Variants in ANO6 observed in about 807,000 individuals in gnomAD.
ANO6 encodes the protein anoctamin-6.
ANO6 carries 106 observed loss-of-function variants against 117.5 expected under a neutral mutation model. The observed-to-expected ratio is 0.90, with a 90% confidence interval of 0.77 to 1.06. ANO6 has a LOEUF of 1.06. ANO6 is among the 50% of genes least tolerant of loss of function. The pLI is 0.00. For missense variants in ANO6, 955 were observed against 1,121.1 expected, an observed-to-expected ratio of 0.85 and a Z score of 2.12; for synonymous variants, 367 against 385.1, an observed-to-expected ratio of 0.95 and a Z score of 0.55.
intron 16 of ANO6, among the ~76,000 whole-genome samples, chr12:45,414,244 G>T (rs1361347235): frequency 6.6e-6 from 1 of 151,898 alleles, no homozygotes; most frequent in Non-Finnish European, 1.5e-5. Context: ...TTATGAAAAA[G>T]TTGCAGGCAA....
chr12:45,266,257 C>G (rs1938211071), intron 1 of ANO6, among the ~76,000 whole-genome samples: 1 of 152,112 alleles, frequency 6.6e-6, no homozygotes. Flanking sequence ...TAGGCAAAGT[C>G]TGTGGTTCTA....
At chr12:45,272,432 A>G (rs1288821298) in intron 1 of ANO6, among the ~76,000 whole-genome samples, 3 of 152,220 alleles carry the variant, frequency 2.0e-5, no homozygotes, top group Non-Finnish European at 4.4e-5. Flanking sequence ...TATTCTGACC[A>G]GATTTTTACA....
At chr12:45,409,299 T>G in intron 15 of ANO6, 58 bp from the exon 16 acceptor site, 1 of 1,603,312 alleles carries the variant, frequency 6.2e-7, no homozygotes, top group East Asian at 2.2e-5. Context: ...AGCAAAATAT[T>G]TTTATGACCT....
intron 1 of ANO6, among the ~76,000 whole-genome samples, chr12:45,225,673 T>A (rs1359107302): frequency 6.6e-6 from 1 of 152,150 alleles, no homozygotes; most frequent in African/African-American, 2.4e-5. Context: ...GTATTTTTAG[T>A]AGAGACGGGG....
chr12:45,320,542 C>T (rs973404458), intron 2 of ANO6, among the ~76,000 whole-genome samples: 51 of 151,890 alleles, frequency 3.4e-4, no homozygotes, highest in African/African-American at 1.1e-3. Flanking sequence ...CTTCCAACTA[C>T]GTGGTCAGTT....
At chr12:45,403,642 C>A (rs1276009156) in intron 15 of ANO6, 106 bp downstream of exon 15, 7 of 908,000 alleles carry the variant, frequency 7.7e-6, no homozygotes, top group Non-Finnish European at 1.2e-5. Flanking sequence ...GCTGCATGTC[C>A]ACCTCTAAAT....
At chr12:45,342,295 A>G (rs956851277) in intron 3 of ANO6, among the ~76,000 whole-genome samples, 10 of 152,236 alleles carry the variant, frequency 6.6e-5, no homozygotes, top group African/African-American at 2.4e-4. Context: ...ACTATTCAGC[A>G]TGTTGCATTC....
chr12:45,337,094 GC>G (rs1269126143), intron 3 of ANO6, among the ~76,000 whole-genome samples: 1 of 152,068 alleles, frequency 6.6e-6, no homozygotes, highest in African/African-American at 2.4e-5. Flanking sequence ...GTTTTGTACA[GC>G]TGTAGAGTGT....
intron 2 of ANO6, among the ~76,000 whole-genome samples, chr12:45,319,440 C>T (rs1940176374): frequency 6.6e-6 from 1 of 152,174 alleles, no homozygotes; most frequent in Admixed American, 6.5e-5. Context: ...ATATGTTGAA[C>T]CAGCCTTGCA....
At chr12:45,268,632 C>T (rs1018360549) in intron 1 of ANO6, among the ~76,000 whole-genome samples, 5 of 152,032 alleles carry the variant, frequency 3.3e-5, no homozygotes, top group African/African-American at 1.2e-4. Context: ...TGGTGAAAAC[C>T]ATCTTTGTTT....
chr12:45,401,408 T>G (rs942271369), intron 12 of ANO6, among the ~76,000 whole-genome samples: 1 of 152,238 alleles, frequency 6.6e-6, no homozygotes, highest in Non-Finnish European at 1.5e-5. Flanking sequence ...ACACTCATTT[T>G]TTTCCTTCTA....
Position 45,431,184 on chromosome 12 carries a change from G to T in ANO6, c.*1873G>T. The T allele has an allele frequency of 3.0e-6, 3 of 985,356 alleles. No individual in the cohort carries two copies. Among genetic ancestry groups the T allele is most frequent in the Non-Finnish European group, 3.6e-6 (3 of 829,906 alleles). The allele number at this position is 985,356 out of a possible 1,614,324, so 61.0% of individuals were successfully genotyped here. A position where few individuals can be genotyped will look rare whatever the true frequency, so the allele number is the denominator to read the frequency against. On this transcript the variant is annotated 3_prime_UTR_variant, in exon 20 of 20. Transcript: ENST00000320560. ...CAGAGTTCAAGACAGGCCCCATGAA[G>T]TCTGACTGCACTGGGATGGAGAAAT...
At chr12:45,353,107 C>T (rs572405753) in intron 7 of ANO6, among the ~76,000 whole-genome samples, 3 of 146,256 alleles carry the variant, frequency 2.1e-5, no homozygotes, top group South Asian at 2.1e-4. Flanking sequence ...ATACGTGATA[C>T]GTGGAGTTGA....
intron 7 of ANO6, 138 bp from the exon 8 acceptor site, chr12:45,357,152 A>C: frequency 1.1e-6 from 1 of 943,094 alleles, no homozygotes. Flanking sequence ...TCTGCTGTGA[A>C]AATGAATGTT....
chr12:45,374,902 G>C (rs192938769), intron 9 of ANO6, among the ~76,000 whole-genome samples: 15 of 152,146 alleles, frequency 9.9e-5, no homozygotes, highest in Admixed American at 2.6e-4. Context: ...TAGGAAAAGA[G>C]GAAGTCAAAT....
chr12:45,246,851 G>A (rs1304829957), intron 1 of ANO6, among the ~76,000 whole-genome samples: 24 of 145,576 alleles, frequency 1.6e-4, no homozygotes, highest in Admixed American at 1.0e-3. Context: ...TGCAACCTCC[G>A]CCTCCTGGGT....
intron 1 of ANO6, among the ~76,000 whole-genome samples, chr12:45,255,175 C>G (rs1186334307): frequency 9.9e-5 from 15 of 152,172 alleles, no homozygotes; most frequent in Admixed American, 9.8e-4. Context: ...ATTATTCTGA[C>G]ATTTGTCAAG....
chr12:45,419,577 G>T (rs942597662), intron 17 of ANO6, among the ~76,000 whole-genome samples: 1 of 152,126 alleles, frequency 6.6e-6, no homozygotes, highest in African/African-American at 2.4e-5. Flanking sequence ...GTTTTTTCTT[G>T]CTTTGCCTGA....
chr12:45,345,511 A>T (rs969144673), intron 3 of ANO6, among the ~76,000 whole-genome samples: 1 of 152,148 alleles, frequency 6.6e-6, no homozygotes, highest in African/African-American at 2.4e-5. Context: ...CTGTCTTGTT[A>T]ACTGCTGTGC....
Sources: gnomAD v4.1 joint callset for allele counts (sites outside exome capture counted in the v4.1 genomes callset) on GRCh38, gnomAD v4.1.1 for gene constraint, MANE v1.5 for transcripts, NCBI Gene and HGNC (gene_info 2026-07-23, HGNC 2026-07-21) for gene names.